RASA2: variants seen among roughly 807,000 people sequenced by gnomAD.
RASA2 encodes the protein ras GTPase-activating protein 2.
In RASA2, 155 loss-of-function variants were observed where a neutral mutation model predicts 118.2. The observed-to-expected ratio is 1.31, with a 90% CI of 1.15 to 1.50. RASA2 has a LOEUF of 1.50. RASA2 is among the 40% of genes most tolerant of loss of function. RASA2 has a pLI of 0.00. For missense variants in RASA2, 1,016 were observed against 1,009.6 expected, an observed-to-expected ratio of 1.01 and a Z score of -0.09; for synonymous variants, 353 against 349.1, an observed-to-expected ratio of 1.01 and a Z score of -0.12.
chr3:141,504,474 T>C (rs2081833615), intron 1 of RASA2, among the ~76,000 whole-genome samples: 1 of 152,162 alleles, frequency 6.6e-6, no homozygotes, highest in South Asian at 2.1e-4. Flanking sequence ...CTAAGACTCT[T>C]AGAAGTCATT....
At position 141,591,926 on chromosome 3, in the gene RASA2, T is replaced by C. The variant is rs140867945; in HGVS notation, c.1933+5174T>C. Among the ~76,000 whole-genome samples the C allele has an allele frequency of 4.4e-3, 667 of 152,204 alleles. 4 individuals are homozygous for C. The highest frequency in any genetic ancestry group is 0.022 in the South Asian group (108 of 4,826). The stretch of plus-strand genomic sequence containing the variant: ...CTAAAGAACAAAATACATCATTGAT[T>C]CAATCATGCATTTATTCAACAGGTA... On this transcript the variant is annotated intron_variant, in intron 19 of 23. Coordinates refer to ENST00000286364, the MANE Select transcript of RASA2 (RefSeq NM_006506.5).
chr3:141,511,019 A>G (rs957787528), intron 1 of RASA2, among the ~76,000 whole-genome samples: 1 of 152,192 alleles, frequency 6.6e-6, no homozygotes, highest in Non-Finnish European at 1.5e-5. Context: ...GTTTGTTCGA[A>G]TAAAAGATTG....
At chr3:141,594,719 TGA>T (rs1337348462) in intron 19 of RASA2, among the ~76,000 whole-genome samples, 2 of 152,130 alleles carry the variant, frequency 1.3e-5, no homozygotes, top group African/African-American at 4.8e-5. Context: ...AAATGAAAGC[TGA>T]GAGAGACTCC....
At chr3:141,563,864 G>T (rs528101094) in intron 9 of RASA2, among the ~76,000 whole-genome samples, 4 of 151,840 alleles carry the variant, frequency 2.6e-5, no homozygotes, top group Non-Finnish European at 5.9e-5. Flanking sequence ...AGATTTGAGT[G>T]TCCCTTGCTT....
chr3:141,610,097 T>C, intron 23 of RASA2, 31 bp downstream of exon 23: 1 of 1,505,186 alleles, frequency 6.6e-7, no homozygotes, highest in South Asian at 1.3e-5. Flanking sequence ...TGTAAACATA[T>C]TTTTAAACGG....
rs760275250 is a variant in RASA2 at position 141,512,262 on chromosome 3, T to C, written c.233T>C (p.Val78Ala). 1.3e-6 allele frequency: 2 copies of C among 1,585,832 alleles called. No individual in the cohort carries two copies. Among genetic ancestry groups the C allele is most frequent in the Admixed American group, 1.9e-5 (1 of 52,014 alleles). The change falls in exon 2 of 24, where the codon GTT (valine) becomes GCT (alanine). Residue 78 changes from valine to alanine, a missense_variant. Physicochemically the swap from Val to Ala is moderately conservative, Grantham distance 64. Around this residue, in one of 2 missense-constraint regions of RASA2, gnomAD observed 896 missense variants for 836.4 expected, o/e 1.07. Transcript: ENST00000286364. ...LDQEEVYRTQ[V>A]VEKSLSPFFS... The stretch of plus-strand genomic sequence containing the variant: ...CAGGAAGAAGTTTATCGTACCCAAG[T>C]TGTGGAAAAATCTTTAAGGTTGGTA...
chr3:141,537,778 A>C (rs2082349192), intron 4 of RASA2, among the ~76,000 whole-genome samples: 1 of 152,188 alleles, frequency 6.6e-6, no homozygotes. Flanking sequence ...CAAAGAAAAA[A>C]AAAGCAATTT....
At chr3:141,556,843 G>A (rs1028211376) in intron 7 of RASA2, among the ~76,000 whole-genome samples, 3 of 151,746 alleles carry the variant, frequency 2.0e-5, no homozygotes, top group East Asian at 1.9e-4. Context: ...AACACAGGCC[G>A]AAGAAAATGC....
At chr3:141,579,809 A>G (rs2083073000) in intron 15 of RASA2, among the ~76,000 whole-genome samples, 1 of 151,848 alleles carries the variant, frequency 6.6e-6, no homozygotes, top group Non-Finnish European at 1.5e-5. Flanking sequence ...TAATCCCAGC[A>G]CTTCGGGAGG....
intron 17 of RASA2, among the ~76,000 whole-genome samples, chr3:141,584,330 C>CAAAAAAAAAAAA (rs56396460): frequency 1.8e-4 from 11 of 60,650 alleles, no homozygotes; most frequent in East Asian, 5.2e-4. Context: ...AACTCCATCC[C>CAAAAAAAAAAAA]AAAAAAAAAA....
intron 19 of RASA2, among the ~76,000 whole-genome samples, chr3:141,588,031 A>G (rs1011865715): frequency 6.6e-6 from 1 of 152,204 alleles, no homozygotes; most frequent in African/African-American, 2.4e-5. Context: ...TTGTGTAAAT[A>G]TACCCATAAT....
chr3:141,538,100 A>AACACACACACACAC, intron 4 of RASA2, among the ~76,000 whole-genome samples: 1 of 136,660 alleles, frequency 7.3e-6, no homozygotes, highest in African/African-American at 2.5e-5. Context: ...CAAAAAACAA[A>AACACACACACACAC]ACACACACAC....
chr3:141,501,028 CAA>C (rs1222846811), intron 1 of RASA2, among the ~76,000 whole-genome samples: 2 of 152,126 alleles, frequency 1.3e-5, no homozygotes, highest in Non-Finnish European at 2.9e-5. Flanking sequence ...AGTTTCCACT[CAA>C]AATCATTTTG....
At chr3:141,542,348 G>A (rs1026671887) in intron 5 of RASA2, among the ~76,000 whole-genome samples, 3 of 152,046 alleles carry the variant, frequency 2.0e-5, no homozygotes, top group East Asian at 1.9e-4. Context: ...CACACTGTAC[G>A]TATATCATTT....
At chr3:141,600,439 C>G in intron 19 of RASA2, 1 of 417,130 alleles carries the variant, frequency 2.4e-6, no homozygotes, top group Non-Finnish European at 4.9e-6. Context: ...CGACCACATT[C>G]TAATAAGGAG....
rs764705381 is a variant in RASA2 at position 141,487,155 on chromosome 3, C to A, written c.72C>A (p.Pro24=). 12 of 1,466,276 alleles carry A rather than the reference C, an allele frequency of 8.2e-6. No individual in the cohort carries two copies. The highest frequency in any genetic ancestry group is 1.1e-5 in the Non-Finnish European group (12 of 1,101,892). The allele number at this position is 1,466,276 out of a possible 1,614,324, so 90.8% of individuals were successfully genotyped here. A position where few individuals can be genotyped will look rare whatever the true frequency, so the allele number is the denominator to read the frequency against. ...EAPAASATAE[P]EAGDQDSREV... ...CAGCGGCGAGTGCGACTGCAGAGCC[C>A]GAGGCCGGGGACCAGGACAGTCGCG... is the stretch of plus-strand genomic sequence containing the variant. Residue 24 remains proline, a synonymous_variant, in exon 1 of 24, where the codon CCC becomes CCA. Coordinates refer to ENST00000286364, the MANE Select transcript of RASA2 (RefSeq NM_006506.5).
At chr3:141,558,781 C>T in intron 7 of RASA2, 105 bp from the exon 8 acceptor site, 1 of 893,048 alleles carries the variant, frequency 1.1e-6, no homozygotes, top group Non-Finnish European at 1.8e-6. Context: ...GGACATTTTC[C>T]TCTGCTTTTA....
chr3:141,508,609 T>G (rs34317570), intron 1 of RASA2, among the ~76,000 whole-genome samples: 43,099 of 151,800 alleles, frequency 0.28, 6,420 homozygotes, highest in Non-Finnish European at 0.33. Context: ...AAAATCCTGT[T>G]CTCAAGCAGT....
At chr3:141,580,084 AAATATATATATAT>A (rs1270523526) in intron 15 of RASA2, among the ~76,000 whole-genome samples, 132 of 88,924 alleles carry the variant, frequency 1.5e-3, no homozygotes, top group Middle Eastern at 7.0e-3. Flanking sequence ...AAAAAAAAAA[AAATATATATATAT>A]ATATATATAT....
Sources: gnomAD v4.1 joint callset for allele counts (sites outside exome capture counted in the v4.1 genomes callset) on GRCh38, gnomAD v4.1.1 for gene constraint, gnomAD v4.1.1 regional missense constraint, MANE v1.5 for transcripts, NCBI Gene and HGNC (gene_info 2026-07-23, HGNC 2026-07-21) for gene names.